The following ARHGAP15 variants were observed in gnomAD, a reference collection of about 807,000 sequenced individuals.
ARHGAP15 encodes rho GTPase-activating protein 15.
A neutral mutation model predicts 63.7 loss-of-function variants in ARHGAP15; 51 were observed. That is an observed-to-expected ratio of 0.80 (90% CI 0.64 to 1.01). The LOEUF is 1.01. Ranked by LOEUF, ARHGAP15 falls within the 50% of genes least tolerant of loss-of-function variation. The pLI is 0.00. For synonymous variants in ARHGAP15, 191 were observed against 193.8 expected (o/e 0.99, Z 0.12); for missense variants, 560 against 564.6 (o/e 0.99, Z 0.08).
At chr2:143,376,523 T>C (rs948592091) in intron 6 of ARHGAP15, among the ~76,000 whole-genome samples, 1 of 152,108 alleles carries the variant, frequency 6.6e-6, no homozygotes, top group Admixed American at 6.6e-5. Context: ...GCTAAGAACA[T>C]TTATTTTTAT....
chr2:143,250,376 G>A (rs1680091073), intron 5 of ARHGAP15, 135 bp from the exon 6 acceptor site: 1 of 514,176 alleles, frequency 1.9e-6, no homozygotes, highest in Non-Finnish European at 3.3e-6. Flanking sequence ...CTACAAATTA[G>A]GTTTCCCCTG....
At chr2:143,266,522 A>G (rs150605443) in intron 6 of ARHGAP15, among the ~76,000 whole-genome samples, 1 of 152,298 alleles carries the variant, frequency 6.6e-6, no homozygotes, top group Admixed American at 6.5e-5. Context: ...TACAAAAGAT[A>G]CAATTTGGAA....
rs1559054380 is a variant in ARHGAP15 at position 143,566,758 on chromosome 2, C to T, written c.1003+10273C>T. ...GATGCCCCCCTTTCCACAGTCAGGT[C>T]ACCTTCTCAGGAAGCCCTTTCCTGA... On this transcript the variant is annotated intron_variant, in intron 11 of 13. Coordinates refer to ENST00000295095, the MANE Select transcript of ARHGAP15 (RefSeq NM_018460.4). 2.0e-5 allele frequency among the ~76,000 whole-genome samples: 3 copies of T among 152,138 alleles called. No individual in the cohort carries two copies. In the South Asian group the frequency reaches 6.2e-4, roughly 32 times the overall value.
At chr2:143,592,081 GAC>G (rs1384523450) in intron 11 of ARHGAP15, among the ~76,000 whole-genome samples, 17 of 152,038 alleles carry the variant, frequency 1.1e-4, no homozygotes, top group Non-Finnish European at 4.4e-5. Context: ...CTTTCTGAAT[GAC>G]AGTCAAATGC....
chr2:143,214,027 CCCT>C (rs1692653647), intron 3 of ARHGAP15, among the ~76,000 whole-genome samples: 1 of 152,170 alleles, frequency 6.6e-6, no homozygotes, highest in Admixed American at 6.5e-5. Flanking sequence ...GTTGATTTCT[CCCT>C]ATAAGAGTAT....
intron 6 of ARHGAP15, among the ~76,000 whole-genome samples, chr2:143,400,705 A>G (rs1225994172): frequency 6.6e-6 from 1 of 151,982 alleles, no homozygotes; most frequent in Non-Finnish European, 1.5e-5. Flanking sequence ...TAACTTATGG[A>G]TAGGGTGTTC....
chr2:143,604,954 G>C (rs1697928797), intron 11 of ARHGAP15, among the ~76,000 whole-genome samples: 1 of 151,986 alleles, frequency 6.6e-6, no homozygotes, highest in Admixed American at 6.6e-5. Context: ...TGTCGCTCAG[G>C]CTGGAGGGCA....
At chr2:143,633,851 A>T (rs529494310) in intron 12 of ARHGAP15, among the ~76,000 whole-genome samples, 2 of 152,022 alleles carry the variant, frequency 1.3e-5, no homozygotes, top group East Asian at 3.9e-4. Flanking sequence ...CTAATTTCTT[A>T]TGCTTTGCTT....
chr2:143,257,659 T>C (rs532455718), intron 6 of ARHGAP15, among the ~76,000 whole-genome samples: 1 of 152,096 alleles, frequency 6.6e-6, no homozygotes, highest in Non-Finnish European at 1.5e-5. Context: ...AGAGCTAGTG[T>C]GGTAGTCTCT....
At chr2:143,288,946 T>A (rs1410230198) in intron 6 of ARHGAP15, among the ~76,000 whole-genome samples, 1 of 152,046 alleles carries the variant, frequency 6.6e-6, no homozygotes. Flanking sequence ...CACAGAAACC[T>A]TTTTTTATTA....
intron 11 of ARHGAP15, among the ~76,000 whole-genome samples, chr2:143,600,088 A>G (rs970169840): frequency 1.3e-5 from 2 of 152,150 alleles, no homozygotes; most frequent in African/African-American, 2.4e-5. Context: ...CATGGATGGT[A>G]CTAAACACAT....
chr2:143,238,333 T>C (rs937404687), intron 5 of ARHGAP15: 2 of 152,050 alleles, frequency 1.3e-5, no homozygotes, highest in African/African-American at 2.4e-5. Flanking sequence ...TATAAGGAAC[T>C]TAAACAAATG....
chr2:143,533,685 T>A (rs1450854305), intron 10 of ARHGAP15, among the ~76,000 whole-genome samples: 1 of 152,206 alleles, frequency 6.6e-6, no homozygotes, highest in Non-Finnish European at 1.5e-5. Flanking sequence ...AAGCATGCTG[T>A]GTTTCCAAGC....
intron 2 of ARHGAP15, among the ~76,000 whole-genome samples, chr2:143,162,820 G>T (rs541150996): frequency 3.9e-5 from 6 of 152,092 alleles, no homozygotes; most frequent in African/African-American, 1.4e-4. Context: ...ACATACAATT[G>T]TATCAGCAGA....
At chr2:143,278,911 A>G (rs1433226363) in intron 6 of ARHGAP15, among the ~76,000 whole-genome samples, 3 of 150,826 alleles carry the variant, frequency 2.0e-5, no homozygotes, top group Admixed American at 2.0e-4. Flanking sequence ...GATGGATTAA[A>G]AGAAGGCAGA....
chr2:143,318,006 T>G (rs1683800131), intron 6 of ARHGAP15, among the ~76,000 whole-genome samples: 1 of 151,938 alleles, frequency 6.6e-6, no homozygotes, highest in South Asian at 2.1e-4. Context: ...TAAAATTTTA[T>G]CCTTTTTTTT....
intron 6 of ARHGAP15, among the ~76,000 whole-genome samples, chr2:143,363,876 T>C (rs891202193): frequency 6.6e-6 from 1 of 152,108 alleles, no homozygotes; most frequent in Non-Finnish European, 1.5e-5. Context: ...AACTCAAAAA[T>C]AATTGTCAGA....
intron 1 of ARHGAP15, among the ~76,000 whole-genome samples, chr2:143,154,807 A>C (rs545055057): frequency 1.3e-5 from 2 of 151,998 alleles, no homozygotes; most frequent in African/African-American, 4.8e-5. Context: ...GTGTGTCCAT[A>C]CTAAATTTTC....
intron 9 of ARHGAP15, among the ~76,000 whole-genome samples, chr2:143,515,606 C>A (rs943016083): frequency 3.3e-5 from 5 of 152,176 alleles, no homozygotes; most frequent in African/African-American, 4.8e-5. Context: ...GGAAACAAAT[C>A]TTTTGCTATA....
Sources: gnomAD v4.1 joint callset for allele counts (sites outside exome capture counted in the v4.1 genomes callset) on GRCh38, gnomAD v4.1.1 for gene constraint, MANE v1.5 for transcripts, NCBI Gene and HGNC (gene_info 2026-07-23, HGNC 2026-07-21) for gene names.